HSF2BP: variants seen among roughly 807,000 people sequenced by gnomAD.
The protein encoded by HSF2BP is heat shock transcription factor 2 binding protein, also known as heat shock factor 2-binding protein.
A neutral mutation model predicts 35.0 loss-of-function variants in HSF2BP; 35 were observed. The observed-to-expected ratio is 1.00, with a 90% CI of 0.76 to 1.32. The LOEUF (loss-of-function observed/expected upper bound fraction) is 1.32. Among genes scored for constraint, HSF2BP ranks in the 40% most tolerant of loss-of-function variants. The probability of loss-of-function intolerance (pLI) is 0.00; values close to 1 mark genes in which losing one functional copy is unlikely to be tolerated. For missense variants in HSF2BP, 326 were observed against 321.7 expected (o/e 1.01, Z -0.10); for synonymous variants, 114 against 117.4 (o/e 0.97, Z 0.18).
intron 4 of HSF2BP, among the ~76,000 whole-genome samples, chr21:43,640,631 T>C (rs2082623323): frequency 6.6e-6 from 1 of 152,250 alleles, no homozygotes; most frequent in Admixed American, 6.5e-5. Context: ...CCAATTCCAA[T>C]TTCCTGGTTT....
chr21:43,653,149 GA>G (rs2082813916), intron 3 of HSF2BP, among the ~76,000 whole-genome samples: 1 of 141,398 alleles, frequency 7.1e-6, no homozygotes, highest in Non-Finnish European at 1.5e-5. Flanking sequence ...AAGAAAGAGA[GA>G]AAGAGAGACA....
intron 8 of HSF2BP, among the ~76,000 whole-genome samples, chr21:43,590,184 C>G (rs914142367): frequency 4.6e-5 from 7 of 152,148 alleles, no homozygotes; most frequent in African/African-American, 1.7e-4. Context: ...AAGAATCTAT[C>G]CAATTTTTTT....
chr21:43,578,739 C>G (rs1027420875), intron 8 of HSF2BP, among the ~76,000 whole-genome samples: 3 of 152,188 alleles, frequency 2.0e-5, no homozygotes, highest in African/African-American at 7.2e-5. Flanking sequence ...CAGAGGTCTC[C>G]TACACAGCCT....
intron 8 of HSF2BP, among the ~76,000 whole-genome samples, chr21:43,583,575 G>C (rs2081795627): frequency 2.1e-5 from 3 of 141,242 alleles, no homozygotes. Flanking sequence ...ATGAAGACCT[G>C]CTGAGGGAGA....
At chr21:43,642,533 C>T (rs2082650918) in intron 4 of HSF2BP, among the ~76,000 whole-genome samples, 1 of 152,032 alleles carries the variant, frequency 6.6e-6, no homozygotes, top group South Asian at 2.1e-4. Flanking sequence ...CAGGAGCTTC[C>T]CTCTGTATTC....
intron 2 of HSF2BP, among the ~76,000 whole-genome samples, chr21:43,657,352 C>T (rs999888538): frequency 6.6e-6 from 1 of 152,136 alleles, no homozygotes; most frequent in Admixed American, 6.5e-5. Context: ...AGAGCAAGAC[C>T]ACGAAAAAGA....
intron 3 of HSF2BP, among the ~76,000 whole-genome samples, chr21:43,648,068 C>T (rs552844830): frequency 1.8e-4 from 28 of 152,234 alleles, no homozygotes; most frequent in African/African-American, 5.8e-4. Context: ...AGAGCGGTCA[C>T]GGGTGATATT....
chr21:43,577,254 C>G (rs1358625200), intron 8 of HSF2BP, among the ~76,000 whole-genome samples: 1 of 152,132 alleles, frequency 6.6e-6, no homozygotes, highest in Non-Finnish European at 1.5e-5. Context: ...GAAGATGTTA[C>G]CTCCAATTAT....
intron 3 of HSF2BP, 88 bp downstream of exon 3, chr21:43,656,499 T>A (rs1233692913): frequency 3.1e-6 from 4 of 1,292,858 alleles, no homozygotes; most frequent in Non-Finnish European, 4.3e-6. Flanking sequence ...AAGAGTACCT[T>A]AAAATTCGTT....
chr21:43,633,258 C>A lies in HSF2BP; in HGVS notation c.441+14G>T, dbSNP rs749491712. On this transcript the variant is annotated intron_variant, in intron 5 of 8. Transcript: ENST00000291560. ...TAATCAACAATATCTGGAGAGCCCA[C>A]TGACCATACTTACTCCTCCCAAAAT... 1.5e-5 allele frequency: 24 copies of A among 1,606,704 alleles called. No individual in the cohort carries two copies. Among genetic ancestry groups the A allele is most frequent in the Non-Finnish European group, 8.5e-7 (1 of 1,177,984 alleles).
intron 4 of HSF2BP, among the ~76,000 whole-genome samples, chr21:43,641,152 C>G (rs145112013): frequency 2.0e-5 from 3 of 152,228 alleles, no homozygotes; most frequent in African/African-American, 7.2e-5. Flanking sequence ...ACCACCACGC[C>G]TGGCTAATTT....
intron 8 of HSF2BP, among the ~76,000 whole-genome samples, chr21:43,584,673 CCTA>C (rs1334691000): frequency 2.6e-5 from 4 of 152,194 alleles, no homozygotes; most frequent in Non-Finnish European, 5.9e-5. Context: ...TGAAAACCAG[CCTA>C]CTAATTCTCA....
At chr21:43,624,998 C>T (rs537890790) in intron 6 of HSF2BP, among the ~76,000 whole-genome samples, 2 of 152,202 alleles carry the variant, frequency 1.3e-5, no homozygotes, top group East Asian at 3.9e-4. Flanking sequence ...GAACTGACAT[C>T]CTGGGAAGTA....
At chr21:43,658,945 C>T (rs1315813634) in intron 1 of HSF2BP, among the ~76,000 whole-genome samples, 2 of 152,210 alleles carry the variant, frequency 1.3e-5, no homozygotes, top group African/African-American at 2.4e-5. Context: ...AAAAACTCCA[C>T]GCCACGGAGA....
At chr21:43,650,702 C>CTTTTT (rs998092548) in intron 3 of HSF2BP, among the ~76,000 whole-genome samples, 87 of 99,276 alleles carry the variant, frequency 8.8e-4, no homozygotes, top group East Asian at 1.8e-3. Flanking sequence ...TTCAGGCTTG[C>CTTTTT]TTTTTTTTTT....
chr21:43,594,673 AGAG>A (rs1378589633), intron 7 of HSF2BP, among the ~76,000 whole-genome samples: 3 of 152,080 alleles, frequency 2.0e-5, no homozygotes, highest in African/African-American at 7.2e-5. Flanking sequence ...AGGAACGAAA[AGAG>A]AAGAAGGGAG....
At chr21:43,658,890 C>T (rs930830488) in intron 1 of HSF2BP, among the ~76,000 whole-genome samples, 1 of 152,198 alleles carries the variant, frequency 6.6e-6, no homozygotes, top group African/African-American at 2.4e-5. Context: ...GCCGGCCTTT[C>T]CTTCCAGTCT....
Position 43,589,129 on chromosome 21 carries a change from A to G in HSF2BP, c.796+3096T>C, listed in dbSNP as rs118127541. ...ATACATGCTGTGTGGGCTGTGTCAC[A>G]GGAGAGGAACCCCAAGCTCTGGCTG... On this transcript the variant is annotated intron_variant, in intron 8 of 8. Transcript: ENST00000291560. 1.2e-3 allele frequency among the ~76,000 whole-genome samples: 182 copies of G among 152,280 alleles called. 1 individual carries two copies. Among genetic ancestry groups the G allele is most frequent in the Non-Finnish European group, 1.7e-3 (116 of 68,026 alleles).
At chr21:43,587,725 T>C (rs2081873283) in intron 8 of HSF2BP, among the ~76,000 whole-genome samples, 8 of 147,990 alleles carry the variant, frequency 5.4e-5, no homozygotes, top group Admixed American at 5.4e-4. Flanking sequence ...AAAAAAAAAT[T>C]GCATTAACAC....
Sources: gnomAD v4.1 joint callset for allele counts (sites outside exome capture counted in the v4.1 genomes callset) on GRCh38, gnomAD v4.1.1 for gene constraint, MANE v1.5 for transcripts, NCBI Gene and HGNC (gene_info 2026-07-23, HGNC 2026-07-21) for gene names.